Variants in LTBP4 observed in about 807,000 individuals in gnomAD.
LTBP4 encodes latent-transforming growth factor beta-binding protein 4.
LTBP4 carries 93 observed loss-of-function variants against 180.2 expected under a neutral mutation model. The ratio of observed to expected loss-of-function variants is 0.52; its 90% CI spans 0.44 to 0.61. The LOEUF (loss-of-function observed/expected upper bound fraction) is 0.61, where lower values mean the gene tolerates loss of function less well. LTBP4 is among the 20% of genes least tolerant of loss of function. The pLI, the probability that LTBP4 is intolerant of heterozygous loss-of-function variation, is 0.00. For synonymous variants in LTBP4, 947 were observed against 934.5 expected (o/e 1.01, Z -0.24); for missense variants, 2,116 against 2,256.5 (o/e 0.94, Z 1.26).
chr19:40,624,258 C>A (rs950968143), intron 26 of LTBP4, among the ~76,000 whole-genome samples, 176 bp downstream of exon 26: 11 of 150,120 alleles, frequency 7.3e-5, no homozygotes, highest in Non-Finnish European at 1.5e-5. Flanking sequence ...CTCTCTGAGG[C>A]GAGCTGGCTA....
Position 40,609,457 on chromosome 19 carries a change from G to A in LTBP4, c.1427-73G>A, listed in dbSNP as rs1228243302. 6.3e-7 allele frequency: 1 copy of A among 1,577,834 alleles called. No homozygotes were observed. The highest frequency in any genetic ancestry group is 8.7e-7 in the Non-Finnish European group (1 of 1,153,160). On this transcript the variant is annotated intron_variant, in intron 9 of 29. Transcript: ENST00000396819. The surrounding 1 kb of genome is among the most constrained non-coding windows in gnomAD (Gnocchi z 4.9). ...AGGTGTTTTATGGATGTCTCCGGGG[G>A]TGGGGGTTTTACTGGGATGAAAGGA...
rs1475245086 is a variant in LTBP4, at chr19:40,625,290, A to T, written c.3833-567A>T. Among the ~76,000 whole-genome samples, 18 of 6,864 alleles carry T rather than the reference A, an allele frequency of 2.6e-3. 2 individuals carry two copies. The highest frequency in any genetic ancestry group is 3.7e-3 in the Admixed American group (3 of 802). The allele number at this position is 6,864 out of a possible 152,430, so 4.5% of individuals were successfully genotyped here. A position where few individuals can be genotyped will look rare whatever the true frequency, so the allele number is the denominator to read the frequency against. ...TATATATATATATATATATATATAT[A>T]TATATATATATATATATATATATAT... On this transcript the variant is annotated intron_variant, in intron 26 of 29. Coordinates refer to ENST00000396819, the MANE Select transcript of LTBP4 (RefSeq NM_001042545.2).
Position 40,625,283 on chromosome 19 carries a change from TATATATATATATATATATATATATA to T in LTBP4, c.3833-573_3833-549del, listed in dbSNP as rs2081620461. 1.4e-3 allele frequency among the ~76,000 whole-genome samples: 12 copies of T among 8,706 alleles called. 2 individuals carry two copies. Among genetic ancestry groups the T allele is most frequent in the African/African-American group, 4.0e-3 (3 of 758 alleles). 5.7% of individuals were successfully genotyped at this position (8,706 alleles called of 152,430 possible). A position where few individuals can be genotyped will look rare whatever the true frequency, so the allele number is the denominator to read the frequency against. ...ATATATATATATATATATATATATA[TATATATATATATATATATATATATA>T]TATATATATTTTTTTTTTTAAAGAT... On this transcript the variant is annotated intron_variant, in intron 26 of 29. Transcript: ENST00000396819.
At position 40,620,236 on chromosome 19, in the gene LTBP4, T is replaced by A. The variant is rs368682173; in HGVS notation, c.3217+743T>A. ...GGTTTCGGCGTTTTTTTTTTGAAAA[T>A]TTTTTTTAAATGTTTTTTTTTTAAG... On this transcript the variant is annotated intron_variant, in intron 22 of 29. Transcript: ENST00000396819. 1.2e-4 allele frequency among the ~76,000 whole-genome samples: 16 copies of A among 135,792 alleles called. No homozygotes were observed. The South Asian group carries it at 1.3e-3, about 11-fold the overall frequency. 89.1% of individuals were successfully genotyped at this position (135,792 alleles called of 152,430 possible).
intron 19 of LTBP4, among the ~76,000 whole-genome samples, chr19:40,614,697 A>C (rs1568408934): frequency 6.6e-6 from 1 of 152,092 alleles, no homozygotes; most frequent in Non-Finnish European, 1.5e-5. Context: ...TCCACATTTT[A>C]GGCTATGCCC....
chr19:40,606,516 C>T lies in LTBP4; in HGVS notation c.981C>T (p.Ser327=). 6.4e-7 allele frequency: 1 copy of T among 1,566,724 alleles called. No individual in the cohort carries two copies. Among genetic ancestry groups the T allele is most frequent in the Non-Finnish European group, 8.6e-7 (1 of 1,156,928 alleles). ...PDGFLLDSSR[S]SCISQHVISE... ...GCTTTCTGCTCGACTCGTCCCGCAG[C>T]AGCTGCATCTGTGAGCAACCAGCAG... The change falls in exon 6 of 30, where the codon AGC becomes AGT. Residue 327 remains serine, a synonymous_variant. Transcript: ENST00000396819.
At chr19:40,610,432 A>C in intron 11 of LTBP4, 100 bp from the exon 12 acceptor site, 1 of 1,417,528 alleles carries the variant, frequency 7.1e-7, no homozygotes, top group Non-Finnish European at 9.5e-7. Flanking sequence ...GCTCTGGCCC[A>C]AGCTTGGTCC....
chr19:40,609,539 C>G lies in LTBP4; in HGVS notation c.1436C>G (p.Ser479Cys), dbSNP rs377274875. 1 of 1,613,074 alleles carries G rather than the reference C, an allele frequency of 6.2e-7. No homozygotes were observed. Among genetic ancestry groups the G allele is most frequent in the Non-Finnish European group, 8.5e-7 (1 of 1,179,626 alleles). Residue 479 changes from serine (S) to cysteine (C), a missense_variant, in exon 10 of 30, where the codon TCC becomes TGC. Ser to Cys is a moderately radical substitution (Grantham distance 112). Around this residue, in one of 5 missense-constraint regions of LTBP4, gnomAD observed 877 missense variants for 873.6 expected, o/e 1.00. Coordinates refer to ENST00000396819, the MANE Select transcript of LTBP4 (RefSeq NM_001042545.2). The surrounding 1 kb of genome is among the most constrained non-coding windows in gnomAD (Gnocchi z 4.9). ...TGACTGGACCCCCCAGGTCCCTCCT[C>G]CGGCATGTGTCAGCGCAACCCCCAG... ...GPEIPESGPS[S>C]GMCQRNPQVC...
Position 40,629,700 on chromosome 19 carries a change from C to G in LTBP4, c.*150C>G. The G allele has an allele frequency of 1.3e-6, 1 of 749,396 alleles. No homozygotes were observed. Among genetic ancestry groups the G allele is most frequent in the African/African-American group, 1.9e-5 (1 of 53,814 alleles). 46.4% of individuals were successfully genotyped at this position (749,396 alleles called of 1,614,324 possible). A position where few individuals can be genotyped will look rare whatever the true frequency, so the allele number is the denominator to read the frequency against. Reference sequence around the variant, plus strand: ...CGCCTGGAAGCTGCGACGCCCTGCACTGCTCCCGCCTCCACCAGCGCCTCC... The same window carrying G: ...CGCCTGGAAGCTGCGACGCCCTGCAGTGCTCCCGCCTCCACCAGCGCCTCC... On this transcript the variant is annotated 3_prime_UTR_variant, in exon 30 of 30. Transcript: ENST00000396819. The surrounding 1 kb of genome is among the most constrained non-coding windows in gnomAD (Gnocchi z 4.5).
chr19:40,612,258 C>T (rs1456548721), intron 15 of LTBP4, 66 bp downstream of exon 15: 1 of 1,509,900 alleles, frequency 6.6e-7, no homozygotes, highest in Admixed American at 2.0e-5. Context: ...ACCCAGATCA[C>T]AACTATGACC....
Position 40,625,994 on chromosome 19 carries a change from C to T in LTBP4, c.3970C>T (p.Pro1324Ser). Residue 1324 changes from proline to serine, a missense_variant, in exon 27 of 30, where the codon CCT (proline) becomes TCT (serine). Pro to Ser is a moderately conservative substitution (Grantham distance 74). Around this residue, in one of 5 missense-constraint regions of LTBP4, gnomAD observed 488 missense variants for 458.8 expected, o/e 1.06. Transcript: ENST00000396819. ...EAWGMDCALC[P>S]AQDSDDFEAL... ...CTGGGGCATGGACTGCGCCCTCTGC[C>T]CTGCGCAGGACTCAGGTGCTGGCAC... The T allele has an allele frequency of 2.5e-6, 4 of 1,605,204 alleles. No individual in the cohort carries two copies. Among genetic ancestry groups the T allele is most frequent in the Non-Finnish European group, 2.5e-6 (3 of 1,176,564 alleles).
chr19:40,623,075 C>T, intron 24 of LTBP4, 54 bp downstream of exon 24: 1 of 1,417,126 alleles, frequency 7.1e-7, no homozygotes, highest in South Asian at 1.3e-5. Context: ...CCAGCTTCGT[C>T]TCTTCCTGTT....
chr19:40,597,401 T>C (rs1250276464), upstream of LTBP4: 5 of 1,499,910 alleles, frequency 3.3e-6, no homozygotes, highest in African/African-American at 7.2e-5. Context: ...TGCTTCCTTG[T>C]GCCCCTTCCA....
At chr19:40,593,886 C>T (rs575728695) in intron 1 of LTBP4, among the ~76,000 whole-genome samples, 59 of 151,846 alleles carry the variant, frequency 3.9e-4, no homozygotes, top group Non-Finnish European at 7.8e-4. Flanking sequence ...CTCTGCCTCC[C>T]GGGTTCAAGT....
intron 29 of LTBP4, 42 bp downstream of exon 29, chr19:40,627,899 G>A (rs2146054092): frequency 6.5e-7 from 1 of 1,532,642 alleles, no homozygotes; most frequent in South Asian, 1.2e-5. Context: ...GGAGAGGCGA[G>A]GCTTGTCCAG....
Position 40,609,970 on chromosome 19 carries a change from G to C in LTBP4, c.1684+99G>C. 7.0e-7 allele frequency: 1 copy of C among 1,420,980 alleles called. No individual in the cohort carries two copies. The highest frequency in any genetic ancestry group is 2.6e-4 in the Middle Eastern group (1 of 3,876). 88.0% of individuals were successfully genotyped at this position (1,420,980 alleles called of 1,614,324 possible). On this transcript the variant is annotated intron_variant, in intron 11 of 29. Coordinates refer to ENST00000396819, the MANE Select transcript of LTBP4 (RefSeq NM_001042545.2). This position sits in a 1 kb window ranked among gnomAD's most constrained non-coding sequence, Gnocchi z 4.9. ...AGCCCTCCCACGCTTCCCCTCTCGG[G>C]TCCCGCCCCAGGACTGCTCTGCCCT...
Position 40,629,008 on chromosome 19 carries a change from C to G in LTBP4, c.4520-388C>G, listed in dbSNP as rs1568416685. Among the ~76,000 whole-genome samples the G allele has an allele frequency of 6.6e-6, 1 of 151,978 alleles. No homozygotes were observed. Among genetic ancestry groups the G allele is most frequent in the Non-Finnish European group, 1.5e-5 (1 of 68,000 alleles). Reference sequence around the variant, plus strand: ...GGGATTACAGGCGCCCGCCACCATGCCTGGCTAATTTTTGTATTCTTAGTA... The same window carrying G: ...GGGATTACAGGCGCCCGCCACCATGGCTGGCTAATTTTTGTATTCTTAGTA... On this transcript the variant is annotated intron_variant, in intron 29 of 29. Transcript: ENST00000396819. This position sits in a 1 kb window ranked among gnomAD's most constrained non-coding sequence, Gnocchi z 4.5.
chr19:40,609,283 G>A lies in LTBP4; in HGVS notation c.1427-247G>A, dbSNP rs965274553. ...AGGGCACTAAGAATGTATCTCAGGC[G>A]GAGGGTTGGAGAGCAAACTATTCAA... On this transcript the variant is annotated intron_variant, in intron 9 of 29. Transcript: ENST00000396819. This position sits in a 1 kb window ranked among gnomAD's most constrained non-coding sequence, Gnocchi z 4.9. 1.2e-4 allele frequency among the ~76,000 whole-genome samples: 18 copies of A among 152,204 alleles called. No homozygotes were observed. The highest frequency in any genetic ancestry group is 4.1e-4 in the African/African-American group (17 of 41,518).
In LTBP4 at chr19:40,617,233, A is replaced by C. The variant is rs1239441932; in HGVS notation, c.3070+8A>C. On this transcript the variant is annotated splice_region_variant and intron_variant, in intron 21 of 29. Transcript: ENST00000396819. Reference sequence around the variant, plus strand: ...ATGGGCGTCACTGCGTGGGTACGGGACTTCAGGAGGTGGATGGGACCAAAG... The same window carrying C: ...ATGGGCGTCACTGCGTGGGTACGGGCCTTCAGGAGGTGGATGGGACCAAAG... The C allele has an allele frequency of 6.2e-7, 1 of 1,611,090 alleles. No homozygotes were observed. The highest frequency in any genetic ancestry group is 1.1e-5 in the South Asian group (1 of 90,892).
Sources: allele counts gnomAD v4.1 joint callset (sites outside exome capture counted in the v4.1 genomes callset), GRCh38; gene constraint gnomAD v4.1.1; regional missense constraint gnomAD v4.1.1; non-coding constraint Gnocchi (gnomAD v3.1); transcripts MANE v1.5; gene names NCBI Gene and HGNC (gene_info 2026-07-23, HGNC 2026-07-21).